The following SDK1 variants were observed in gnomAD, a reference collection of about 807,000 sequenced individuals.
SDK1 encodes protein sidekick-1.
In SDK1, 157 loss-of-function variants were observed where a neutral mutation model predicts 245.5. That is an observed-to-expected ratio of 0.64 (90% confidence interval 0.56 to 0.73). The LOEUF (loss-of-function observed/expected upper bound fraction) is 0.73. Ranked by LOEUF, SDK1 falls within the 30% of genes least tolerant of loss-of-function variation. The pLI, the probability that SDK1 is intolerant of heterozygous loss-of-function variation, is 0.00. For synonymous variants in SDK1, 1,647 were observed against 1,278.5 expected, an observed-to-expected ratio of 1.29 and a Z score of -6.15; for missense variants, 3,583 against 3,002.3, an observed-to-expected ratio of 1.19 and a Z score of -4.52.
At chr7:3,637,157 G>A (rs1397257144) in intron 2 of SDK1, among the ~76,000 whole-genome samples, 2 of 152,076 alleles carry the variant, frequency 1.3e-5, no homozygotes, top group African/African-American at 2.4e-5. Flanking sequence ...GAGTGCAGTG[G>A]TGCAATCTTA....
intron 22 of SDK1, among the ~76,000 whole-genome samples, chr7:4,093,336 A>G (rs1164930096): frequency 6.6e-6 from 1 of 152,078 alleles, no homozygotes; most frequent in Non-Finnish European, 1.5e-5. Flanking sequence ...GCTGTGCTCT[A>G]ATAGCCAAAA....
intron 17 of SDK1, among the ~76,000 whole-genome samples, chr7:4,038,187 C>T (rs1021172737): frequency 6.6e-6 from 1 of 152,166 alleles, no homozygotes; most frequent in East Asian, 1.9e-4. Context: ...AACTTAAGAC[C>T]CCTCTATTCC....
chr7:4,020,083 G>A (rs776632791), intron 17 of SDK1, among the ~76,000 whole-genome samples: 13 of 152,162 alleles, frequency 8.5e-5, no homozygotes, highest in African/African-American at 2.6e-4. Context: ...CCTGGGCCAC[G>A]AGGATGAACA....
At chr7:3,354,965 T>A (rs148047672) in intron 1 of SDK1, among the ~76,000 whole-genome samples, 2 of 152,324 alleles carry the variant, frequency 1.3e-5, no homozygotes, top group African/African-American at 4.8e-5. Flanking sequence ...TGGTTTACTT[T>A]CTTGTGTCTG....
At chr7:3,445,647 A>G (rs888948236) in intron 1 of SDK1, among the ~76,000 whole-genome samples, 1 of 152,170 alleles carries the variant, frequency 6.6e-6, no homozygotes, top group South Asian at 2.1e-4. Context: ...GGTACAATGT[A>G]TATGTGTGGT....
At chr7:4,033,825 G>A (rs949648326) in intron 17 of SDK1, among the ~76,000 whole-genome samples, 1 of 152,134 alleles carries the variant, frequency 6.6e-6, no homozygotes, top group South Asian at 2.1e-4. Context: ...GGGGGAAGAG[G>A]CATTGCTGCT....
intron 35 of SDK1, among the ~76,000 whole-genome samples, chr7:4,201,264 C>G (rs760042892): frequency 6.6e-5 from 10 of 152,172 alleles, no homozygotes; most frequent in African/African-American, 1.2e-4. Flanking sequence ...GAAGGCCTCC[C>G]GAGCTGCAGA....
intron 1 of SDK1, among the ~76,000 whole-genome samples, chr7:3,417,343 G>A (rs770146409): frequency 3.3e-5 from 5 of 152,120 alleles, no homozygotes; most frequent in African/African-American, 9.7e-5. Flanking sequence ...CCGACTCTTC[G>A]TCTTCTTTCT....
rs779656966 is a variant in SDK1 at position 4,049,484 on chromosome 7, G to A, written c.2718+21G>A. 5.1e-6 allele frequency: 8 copies of A among 1,565,326 alleles called. No individual in the cohort carries two copies. In the East Asian group the frequency reaches 1.3e-4, roughly 26 times the overall value. Reference sequence around the variant, plus strand: ...ACAAGGTACGTGGCCTGGGTTCAGGGCCTGTGGGCAGCTGTCATTGTCTGG... The same window carrying A: ...ACAAGGTACGTGGCCTGGGTTCAGGACCTGTGGGCAGCTGTCATTGTCTGG... On this transcript the variant is annotated intron_variant, in intron 18 of 44. Transcript: ENST00000404826.
At chr7:4,106,503 G>A (rs1263082761) in intron 22 of SDK1, among the ~76,000 whole-genome samples, 4 of 151,950 alleles carry the variant, frequency 2.6e-5, no homozygotes, top group African/African-American at 4.8e-5. Flanking sequence ...TCACCATGTT[G>A]GCCAGGATGG....
intron 1 of SDK1, among the ~76,000 whole-genome samples, chr7:3,471,476 A>C (rs1781178734): frequency 6.6e-6 from 1 of 152,174 alleles, no homozygotes; most frequent in Non-Finnish European, 1.5e-5. Flanking sequence ...TAATCCTCAA[A>C]CTACAGGTAC....
At chr7:4,162,082 G>T (rs1781171074) in intron 32 of SDK1, among the ~76,000 whole-genome samples, 1 of 152,142 alleles carries the variant, frequency 6.6e-6, no homozygotes. Flanking sequence ...GATGCACGTA[G>T]AGAATGAACT....
At chr7:3,454,746 C>G (rs1462969139) in intron 1 of SDK1, among the ~76,000 whole-genome samples, 2 of 152,094 alleles carry the variant, frequency 1.3e-5, no homozygotes, top group Non-Finnish European at 2.9e-5. Context: ...ACTCTTAGCC[C>G]TTTGGAGGAC....
At chr7:3,954,621 TTCCCCTCTGGCC>T (rs1209046676) in intron 7 of SDK1, among the ~76,000 whole-genome samples, 1 of 76,524 alleles carries the variant, frequency 1.3e-5, no homozygotes, top group Admixed American at 1.5e-4. Flanking sequence ...CCTCTACACC[TTCCCCTCTGGCC>T]TCCCCTCTAC....
intron 1 of SDK1, among the ~76,000 whole-genome samples, chr7:3,593,947 T>A (rs1583206186): frequency 6.6e-6 from 1 of 152,232 alleles, no homozygotes; most frequent in Admixed American, 6.5e-5. Flanking sequence ...TTTAACAACT[T>A]TATTGATATA....
At chr7:3,646,017 C>G (rs1782823999) in intron 4 of SDK1, among the ~76,000 whole-genome samples, 2 of 152,110 alleles carry the variant, frequency 1.3e-5, no homozygotes, top group African/African-American at 4.8e-5. Context: ...CCCCACTATG[C>G]CCAGCTGATT....
intron 4 of SDK1, among the ~76,000 whole-genome samples, chr7:3,715,342 C>G (rs1219614950): frequency 6.6e-6 from 1 of 152,192 alleles, no homozygotes; most frequent in Non-Finnish European, 1.5e-5. Context: ...CCAGCATTTT[C>G]CGATCCGTTT....
At chr7:3,764,865 C>T (rs948991167) in intron 4 of SDK1, among the ~76,000 whole-genome samples, 3 of 151,890 alleles carry the variant, frequency 2.0e-5, no homozygotes, top group Non-Finnish European at 4.4e-5. Context: ...TTAAGCTAAA[C>T]ATTAAAGGCA....
chr7:4,260,092 C>CTT (rs1190738962), intron 44 of SDK1, among the ~76,000 whole-genome samples: 10 of 151,856 alleles, frequency 6.6e-5, no homozygotes, highest in African/African-American at 2.4e-4. Flanking sequence ...TCTGGGGTCT[C>CTT]TGTGTGTGTG....
Sources: gnomAD v4.1 joint callset for allele counts (sites outside exome capture counted in the v4.1 genomes callset) on GRCh38, gnomAD v4.1.1 for gene constraint, MANE v1.5 for transcripts, NCBI Gene and HGNC (gene_info 2026-07-23, HGNC 2026-07-21) for gene names.